Variants in EXOC4 observed in about 807,000 individuals in gnomAD.
EXOC4 encodes the protein SEC8-like 1.
EXOC4 carries 71 observed loss-of-function variants against 107.2 expected under a neutral mutation model. The ratio of observed to expected loss-of-function variants is 0.66; its 90% CI spans 0.55 to 0.81. The LOEUF (loss-of-function observed/expected upper bound fraction) is 0.81, where lower values mean the gene tolerates loss of function less well. EXOC4 is among the 30% of genes least tolerant of loss of function. The probability of loss-of-function intolerance (pLI) is 0.00; values close to 1 mark genes in which losing one functional copy is unlikely to be tolerated. For synonymous variants in EXOC4, 456 were observed against 441.2 expected (o/e 1.03, Z -0.42); for missense variants, 1,108 against 1,189.6 (o/e 0.93, Z 1.01).
intron 9 of EXOC4, among the ~76,000 whole-genome samples, chr7:133,538,892 G>A (rs1412608400): frequency 1.4e-5 from 2 of 143,562 alleles, no homozygotes; most frequent in African/African-American, 2.6e-5. Flanking sequence ...AGGGAGGGAG[G>A]GAGGGAGGGA....
At chr7:133,511,007 A>AT (rs750594543) in intron 9 of EXOC4, among the ~76,000 whole-genome samples, 28 of 150,144 alleles carry the variant, frequency 1.9e-4, no homozygotes, top group South Asian at 4.2e-4. Context: ...GATCTGCATC[A>AT]TTTTTTTTTT....
intron 7 of EXOC4, among the ~76,000 whole-genome samples, chr7:133,454,607 T>C (rs988811621): frequency 6.6e-6 from 1 of 152,220 alleles, no homozygotes; most frequent in African/African-American, 2.4e-5. Context: ...ACTGCCTTCA[T>C]TTCTTCTGAG....
At chr7:133,902,040 T>A (rs920873035) in intron 12 of EXOC4, among the ~76,000 whole-genome samples, 1 of 152,246 alleles carries the variant, frequency 6.6e-6, no homozygotes, top group African/African-American at 2.4e-5. Flanking sequence ...ATGTGACCTA[T>A]TCTTCGTGAG....
intron 17 of EXOC4, among the ~76,000 whole-genome samples, chr7:134,045,471 T>C (rs897528534): frequency 3.9e-5 from 6 of 152,222 alleles, no homozygotes; most frequent in South Asian, 2.1e-4. Flanking sequence ...TGTGCACTTA[T>C]CACAGGAGAA....
At chr7:133,708,574 G>A (rs981881145) in intron 10 of EXOC4, among the ~76,000 whole-genome samples, 5 of 152,150 alleles carry the variant, frequency 3.3e-5, no homozygotes, top group African/African-American at 9.7e-5. Flanking sequence ...AGAGAGAAGT[G>A]TCCATTTTGT....
At chr7:134,086,673 G>A in the EXOC4 span, among the ~76,000 whole-genome samples, 1 of 152,146 alleles carries the variant, frequency 6.6e-6, no homozygotes, top group South Asian at 2.1e-4. Flanking sequence ...CAGACCCCAA[G>A]AGAGGGTTCT....
chr7:133,569,855 G>A (rs1469705939), intron 9 of EXOC4, among the ~76,000 whole-genome samples: 1 of 152,132 alleles, frequency 6.6e-6, no homozygotes, highest in Non-Finnish European at 1.5e-5. Flanking sequence ...TAGAGATTCT[G>A]TATTTTACAG....
At chr7:134,048,179 C>T (rs957550712) in intron 17 of EXOC4, among the ~76,000 whole-genome samples, 1 of 152,192 alleles carries the variant, frequency 6.6e-6, no homozygotes, top group African/African-American at 2.4e-5. Context: ...TGCAAAGTAT[C>T]TTAAGCACTG....
intron 15 of EXOC4, among the ~76,000 whole-genome samples, chr7:134,004,063 G>T (rs1431909246): frequency 6.6e-6 from 1 of 152,070 alleles, no homozygotes; most frequent in African/African-American, 2.4e-5. Flanking sequence ...ATGGCACGTG[G>T]ATGGATGTGC....
At chr7:134,090,142 A>C in the EXOC4 span, among the ~76,000 whole-genome samples, 1 of 152,218 alleles carries the variant, frequency 6.6e-6, no homozygotes, top group African/African-American at 2.4e-5. Flanking sequence ...CCAATTAATC[A>C]AAGCTCTTTC....
chr7:133,479,570 C>T (rs747913914), intron 8 of EXOC4: 1 of 153,820 alleles, frequency 6.5e-6, no homozygotes, highest in Non-Finnish European at 1.4e-5. Flanking sequence ...AGCCACATTT[C>T]TAGTATGTCC....
At chr7:133,880,900 A>G (rs1410932271) in intron 11 of EXOC4, among the ~76,000 whole-genome samples, 2 of 152,190 alleles carry the variant, frequency 1.3e-5, no homozygotes, top group Admixed American at 6.5e-5. Flanking sequence ...TGTGAATTCT[A>G]AAGGCATATA....
chr7:133,759,144 A>ATTTTTTTTTTTTTTTT (rs34768347), intron 10 of EXOC4, among the ~76,000 whole-genome samples: 4 of 140,628 alleles, frequency 2.8e-5, no homozygotes, highest in Non-Finnish European at 3.1e-5. Flanking sequence ...CAACAAAAGA[A>ATTTTTTTTTTTTTTTT]TTTTTTTTTT....
chr7:133,459,240 GGGTAGAGCTGAGAATAATTA>G (rs1369184137), intron 7 of EXOC4, among the ~76,000 whole-genome samples: 3 of 152,146 alleles, frequency 2.0e-5, no homozygotes, highest in African/African-American at 2.4e-5. Flanking sequence ...CTGAATGGTA[GGGTAGAGCTGAGAATAATTA>G]GGTAGAGCTG....
intron 9 of EXOC4, among the ~76,000 whole-genome samples, chr7:133,542,169 T>TTGTGTGTG (rs3046171): frequency 0.066 from 9,639 of 147,040 alleles, 422 homozygotes; most frequent in African/African-American, 0.12. Flanking sequence ...AAATTTTATC[T>TTGTGTGTG]TGTGTGTGTG....
chr7:134,047,367 G>A (rs1255203942), intron 17 of EXOC4, among the ~76,000 whole-genome samples: 1 of 151,902 alleles, frequency 6.6e-6, no homozygotes, highest in Non-Finnish European at 1.5e-5. Flanking sequence ...TTGTGGAGCA[G>A]CCTCAGTATT....
intron 10 of EXOC4, among the ~76,000 whole-genome samples, chr7:133,676,697 T>G (rs1032168316): frequency 6.6e-6 from 1 of 152,160 alleles, no homozygotes; most frequent in African/African-American, 2.4e-5. Flanking sequence ...TTCTTTTCTC[T>G]CTCTAATTAA....
intron 7 of EXOC4, among the ~76,000 whole-genome samples, chr7:133,419,441 T>C (rs1797552419): frequency 6.6e-6 from 1 of 152,150 alleles, no homozygotes; most frequent in African/African-American, 2.4e-5. Context: ...GAACTAACAG[T>C]AAAGGAATTG....
chr7:134,025,330 A>T (rs1326910083), intron 17 of EXOC4, among the ~76,000 whole-genome samples: 1 of 152,206 alleles, frequency 6.6e-6, no homozygotes, highest in Non-Finnish European at 1.5e-5. Context: ...TTTTTAAAGA[A>T]AAAGCAAAAT....
Sources: allele counts gnomAD v4.1 joint callset (sites outside exome capture counted in the v4.1 genomes callset), GRCh38; gene constraint gnomAD v4.1.1; transcripts MANE v1.5; gene names NCBI Gene and HGNC (gene_info 2026-07-23, HGNC 2026-07-21).